KIF1A: variants seen among roughly 807,000 people sequenced by gnomAD.
KIF1A encodes the protein kinesin family member 1A.
KIF1A carries 46 observed loss-of-function variants against 227.3 expected under a neutral mutation model. The observed-to-expected ratio is 0.20, with a 90% CI of 0.16 to 0.26. The LOEUF (loss-of-function observed/expected upper bound fraction) is 0.26. Among genes scored for constraint, KIF1A ranks in the 10% least tolerant of loss-of-function variants. The pLI is 1.00. For missense variants in KIF1A, 1,683 were observed against 2,485.9 expected, an observed-to-expected ratio of 0.68 and a Z score of 6.87; for synonymous variants, 1,022 against 1,012.8, an observed-to-expected ratio of 1.01 and a Z score of -0.17.
intron 2 of KIF1A, among the ~76,000 whole-genome samples, chr2:240,794,403 C>A (rs971632505): frequency 6.6e-6 from 1 of 152,238 alleles, no homozygotes; most frequent in Non-Finnish European, 1.5e-5. Context: ...CCAGTGCACA[C>A]AGGACCTGCA....
At chr2:240,784,925 C>T (rs1332581130) in intron 7 of KIF1A, 64 bp downstream of exon 7, 2 of 1,369,030 alleles carry the variant, frequency 1.5e-6, no homozygotes, top group Non-Finnish European at 2.1e-6. Context: ...GGCCTGACCA[C>T]CACCCCTACC....
chr2:240,817,175 A>G (rs1032185838), intron 1 of KIF1A, among the ~76,000 whole-genome samples: 1 of 152,208 alleles, frequency 6.6e-6, no homozygotes, highest in African/African-American at 2.4e-5. Flanking sequence ...AAGGGGCAGA[A>G]GCCGGCAAGG....
chr2:240,718,887 C>T (rs889098834), intron 47 of KIF1A, 119 bp downstream of exon 47: 8 of 793,016 alleles, frequency 1.0e-5, no homozygotes, highest in East Asian at 2.6e-5. Flanking sequence ...TGGAACAGGA[C>T]GGAGTCTGGG....
rs765643776 is a variant in KIF1A, at chr2:240,747,330, G to A, written c.2978-9C>T. 3.1e-6 allele frequency: 5 copies of A among 1,610,908 alleles called. No homozygotes were observed. Among genetic ancestry groups the A allele is most frequent in the Admixed American group, 1.7e-5 (1 of 59,934 alleles). On this transcript the variant is annotated splice_polypyrimidine_tract_variant and intron_variant, in intron 28 of 48. Coordinates refer to ENST00000498729, the MANE Select transcript of KIF1A (RefSeq NM_001244008.2). ...AGGGGCCTCTTCATCGGCTGCAGGA[G>A]AAACAGAGCAAATGGTTGGAGCCCA... is the stretch of plus-strand genomic sequence containing the variant.
chr2:240,735,890 T>G (rs896417772), intron 38 of KIF1A, among the ~76,000 whole-genome samples: 2 of 151,318 alleles, frequency 1.3e-5, no homozygotes, highest in Admixed American at 1.3e-4. Flanking sequence ...CCTATGGACA[T>G]GAGTGCAGGG....
Position 240,727,768 on chromosome 2 carries a change from A to G in KIF1A, c.4008-828T>C, listed in dbSNP as rs185143317. On this transcript the variant is annotated intron_variant, in intron 38 of 48. Transcript: ENST00000498729. ...GGATTTTACATCCCCATGGGGTCGA[A>G]CCACGTTCCGCAAACACCTTGGGTG... 2.4e-4 allele frequency among the ~76,000 whole-genome samples: 37 copies of G among 152,270 alleles called. No individual in the cohort carries two copies. The East Asian group carries it at 7.2e-3, about 29-fold the overall frequency.
rs1188351989 is a variant in KIF1A, at chr2:240,746,937, G to A, written c.3063+299C>T. The stretch of plus-strand genomic sequence containing the variant: ...AGAGAAGGGAGACAGGGTGGGGGTG[G>A]CTGCACCTCAGTGTCTGTTCTGGAG... On this transcript the variant is annotated intron_variant, in intron 29 of 48. Transcript: ENST00000498729. Among the ~76,000 whole-genome samples the A allele has an allele frequency of 3.9e-5, 6 of 152,310 alleles. No individual in the cohort carries two copies. The East Asian group carries it at 1.2e-3, about 29-fold the overall frequency.
chr2:240,750,910 C>T (rs937078298), intron 27 of KIF1A, among the ~76,000 whole-genome samples: 1 of 152,192 alleles, frequency 6.6e-6, no homozygotes, highest in African/African-American at 2.4e-5. Flanking sequence ...TGCACTGCCC[C>T]CCTTTTCACA....
chr2:240,743,572 G>T (rs530690273), intron 33 of KIF1A, among the ~76,000 whole-genome samples: 1 of 152,280 alleles, frequency 6.6e-6, no homozygotes, highest in South Asian at 2.1e-4. Context: ...GCTAGGCCGG[G>T]CTTCCCCAGG....
At chr2:240,809,282 TGAA>T (rs1442447652) in intron 1 of KIF1A, among the ~76,000 whole-genome samples, 2 of 152,048 alleles carry the variant, frequency 1.3e-5, no homozygotes, top group South Asian at 2.1e-4. Context: ...ATAACAAGTC[TGAA>T]GAAGAAGAAA....
rs190494214 is a variant in KIF1A at position 240,797,996 on chromosome 2, C to T, written c.-60-184G>A. On this transcript the variant is annotated intron_variant, in intron 1 of 48. Coordinates refer to ENST00000498729, the MANE Select transcript of KIF1A (RefSeq NM_001244008.2). ...ATAATTCTAGAAAGCAGGAGCCCAGCGGGACCAGTGGAACCCAGCTTCGCA... is the reference window on the plus strand; with the variant it reads ...ATAATTCTAGAAAGCAGGAGCCCAGTGGGACCAGTGGAACCCAGCTTCGCA... 120 of 430,990 alleles carry T rather than the reference C, an allele frequency of 2.8e-4. 1 individual carries two copies. Among genetic ancestry groups the T allele is most frequent in the Middle Eastern group, 1.9e-3 (3 of 1,586 alleles). 26.7% of individuals were successfully genotyped at this position (430,990 alleles called of 1,614,324 possible).
At chr2:240,761,163 TC>T in intron 24 of KIF1A, 65 bp downstream of exon 24, 1 of 1,529,818 alleles carries the variant, frequency 6.5e-7, no homozygotes, top group South Asian at 1.2e-5. Flanking sequence ...CAAGTAGCTG[TC>T]CCCGTCATGA....
Position 240,774,270 on chromosome 2 carries a change from A to G in KIF1A, c.959-9T>C. 1 of 1,603,568 alleles carries G rather than the reference A, an allele frequency of 6.2e-7. No homozygotes were observed. The highest frequency in any genetic ancestry group is 8.5e-7 in the Non-Finnish European group (1 of 1,171,198). On this transcript the variant is annotated splice_polypyrimidine_tract_variant and intron_variant, in intron 11 of 48. Transcript: ENST00000498729. The stretch of plus-strand genomic sequence containing the variant: ...TGTCCTTGAGTTACCGCCTGTGGGA[A>G]GAAGACCAGGTTGTGCCCAGAGGGG...
chr2:240,758,288 C>A lies in KIF1A; in HGVS notation c.2582+72G>T. ...GGCCGCTCCTTGTATCAGGCCAGGGCCCACTCCTACCCCCACTGCCATCTC... is the reference window on the plus strand; with the variant it reads ...GGCCGCTCCTTGTATCAGGCCAGGGACCACTCCTACCCCCACTGCCATCTC... On this transcript the variant is annotated intron_variant, in intron 26 of 48. Transcript: ENST00000498729. This position sits in a 1 kb window ranked among gnomAD's most constrained non-coding sequence, Gnocchi z 5.2. 6.6e-7 allele frequency: 1 copy of A among 1,523,418 alleles called. No individual in the cohort carries two copies. The highest frequency in any genetic ancestry group is 8.9e-7 in the Non-Finnish European group (1 of 1,126,180). The allele number at this position is 1,523,418 out of a possible 1,614,324, so 94.4% of individuals were successfully genotyped here.
At chr2:240,754,233 A>T (rs1415731487) in intron 27 of KIF1A, among the ~76,000 whole-genome samples, 1 of 152,154 alleles carries the variant, frequency 6.6e-6, no homozygotes, top group Non-Finnish European at 1.5e-5. Flanking sequence ...AGGACCCCGG[A>T]GGTCTGACAC....
rs868224008 is a variant in KIF1A at position 240,778,356 on chromosome 2, G to A, written c.883-2430C>T. Among the ~76,000 whole-genome samples, 19 of 151,778 alleles carry A rather than the reference G, an allele frequency of 1.3e-4. No homozygotes were observed. In the Middle Eastern group the frequency reaches 0.02, roughly 163 times the overall value. ...CATTCTCCACACGCCAGTCCCCACC[G>A]TCCCTGACACACTCGCTCTCACGGT... On this transcript the variant is annotated intron_variant, in intron 10 of 48. Transcript: ENST00000498729. This position sits in a 1 kb window ranked among gnomAD's most constrained non-coding sequence, Gnocchi z 7.2.
intron 34 of KIF1A, 42 bp from the exon 35 acceptor site, chr2:240,741,419 A>T (rs754864669): frequency 3.5e-6 from 5 of 1,424,018 alleles, no homozygotes; most frequent in South Asian, 1.4e-5. Context: ...GGGAGACCTG[A>T]CCTATCACGT....
chr2:240,782,842 C>T (rs887993726), intron 9 of KIF1A, among the ~76,000 whole-genome samples: 3 of 152,172 alleles, frequency 2.0e-5, no homozygotes, highest in East Asian at 3.9e-4. Flanking sequence ...CCCCACTTTA[C>T]AGGCGGGGAA....
At chr2:240,785,171 G>A (rs942860899) in intron 6 of KIF1A, 71 bp from the exon 7 acceptor site, 10 of 1,286,700 alleles carry the variant, frequency 7.8e-6, no homozygotes, top group Non-Finnish European at 1.1e-5. Context: ...GGTGGTGCCA[G>A]CCCTCTGAAC....
Sources: allele counts gnomAD v4.1 joint callset (sites outside exome capture counted in the v4.1 genomes callset), GRCh38; gene constraint gnomAD v4.1.1; non-coding constraint Gnocchi (gnomAD v3.1); transcripts MANE v1.5; gene names NCBI Gene and HGNC (gene_info 2026-07-23, HGNC 2026-07-21).